Variants in OXCT1 observed in about 807,000 individuals in gnomAD.
The protein encoded by OXCT1 is 3-oxoacid CoA-transferase 1, also known as succinyl-CoA:3-ketoacid coenzyme A transferase 1, mitochondrial.
Under a neutral mutation model 69.6 loss-of-function variants are expected in OXCT1, and 27 were observed. That is an observed-to-expected ratio of 0.39 (90% CI 0.29 to 0.54). The LOEUF (loss-of-function observed/expected upper bound fraction) is 0.54, where lower values mean the gene tolerates loss of function less well. OXCT1 is among the 20% of genes least tolerant of loss of function. OXCT1 has a pLI of 0.72. For synonymous variants in OXCT1, 202 were observed against 217.8 expected (o/e 0.93, Z 0.64); for missense variants, 437 against 650.2 (o/e 0.67, Z 3.57).
At chr5:41,866,778 T>A (rs1749998750) in intron 1 of OXCT1, among the ~76,000 whole-genome samples, 2 of 152,210 alleles carry the variant, frequency 1.3e-5, no homozygotes, top group Non-Finnish European at 2.9e-5. Flanking sequence ...ACATACATGT[T>A]CTTCTCCAAT....
At chr5:41,822,865 A>C (rs1747625343) in intron 7 of OXCT1, among the ~76,000 whole-genome samples, 1 of 152,220 alleles carries the variant, frequency 6.6e-6, no homozygotes, top group African/African-American at 2.4e-5. Flanking sequence ...TCTTATAGAC[A>C]ACATACAGCT....
chr5:41,800,729 T>C (rs1723225456), intron 11 of OXCT1, among the ~76,000 whole-genome samples: 2 of 152,032 alleles, frequency 1.3e-5, no homozygotes, highest in South Asian at 4.1e-4. Context: ...CCTTGTAAAT[T>C]GTCCCTTCCT....
intron 3 of OXCT1, 40 bp from the exon 4 acceptor site, chr5:41,853,594 A>G: frequency 6.2e-7 from 1 of 1,600,418 alleles, no homozygotes; most frequent in Non-Finnish European, 8.6e-7. Flanking sequence ...AGAGCATCTG[A>G]CAGAACACTA....
chr5:41,751,232 C>T (rs922798862), intron 14 of OXCT1, among the ~76,000 whole-genome samples: 1 of 152,122 alleles, frequency 6.6e-6, no homozygotes, highest in African/African-American at 2.4e-5. Flanking sequence ...CTGGGCCTGA[C>T]TTCAAACAAA....
intron 5 of OXCT1, among the ~76,000 whole-genome samples, chr5:41,847,278 G>A (rs1279678897): frequency 6.6e-6 from 1 of 152,004 alleles, no homozygotes; most frequent in East Asian, 1.9e-4. Flanking sequence ...TGAAATTGTG[G>A]CAATAATCAA....
intron 15 of OXCT1, among the ~76,000 whole-genome samples, chr5:41,745,824 C>G (rs1374471465): frequency 2.0e-5 from 3 of 152,144 alleles, no homozygotes; most frequent in Admixed American, 2.0e-4. Flanking sequence ...TTCCTCGACA[C>G]ATACACCCTC....
At chr5:41,845,145 C>A (rs147895691) in intron 5 of OXCT1, among the ~76,000 whole-genome samples, 6 of 152,272 alleles carry the variant, frequency 3.9e-5, no homozygotes, top group Admixed American at 1.3e-4. Flanking sequence ...GCTGTTCCAG[C>A]CTCACCACCC....
chr5:41,869,940 C>A (rs1750203457), intron 1 of OXCT1: 19 of 393,722 alleles, frequency 4.8e-5, no homozygotes, highest in South Asian at 3.9e-4. Context: ...CCCTCAGAGT[C>A]CCTATCCAAG....
At chr5:41,863,377 G>A (rs878868265) in intron 1 of OXCT1, among the ~76,000 whole-genome samples, 3 of 151,918 alleles carry the variant, frequency 2.0e-5, no homozygotes, top group Non-Finnish European at 2.9e-5. Flanking sequence ...AACCATAGTC[G>A]CCATGGTGTT....
chr5:41,841,378 C>T (rs1431006285), intron 6 of OXCT1, among the ~76,000 whole-genome samples: 1 of 152,120 alleles, frequency 6.6e-6, no homozygotes, highest in Non-Finnish European at 1.5e-5. Context: ...TGGGTTAGAT[C>T]CCACCAGACA....
At chr5:41,847,094 G>A (rs1222099178) in intron 5 of OXCT1, among the ~76,000 whole-genome samples, 1 of 151,398 alleles carries the variant, frequency 6.6e-6, no homozygotes, top group Admixed American at 6.6e-5. Context: ...ATGATAAAGG[G>A]GATATCACCA....
chr5:41,842,350 A>G (rs573152866), intron 6 of OXCT1, among the ~76,000 whole-genome samples: 1 of 152,250 alleles, frequency 6.6e-6, no homozygotes, highest in South Asian at 2.1e-4. Flanking sequence ...ATTAAATAAA[A>G]TTGTATGATG....
chr5:41,796,754 T>G (rs563593917), intron 11 of OXCT1, among the ~76,000 whole-genome samples: 28 of 152,336 alleles, frequency 1.8e-4, no homozygotes, highest in Admixed American at 9.2e-4. Context: ...TTAAACAGCA[T>G]GTAAGACGTA....
At chr5:41,747,735 G>A (rs577539892) in intron 15 of OXCT1, among the ~76,000 whole-genome samples, 134 of 152,198 alleles carry the variant, frequency 8.8e-4, no homozygotes, top group African/African-American at 3.2e-3. Flanking sequence ...CTCAAGTAGG[G>A]AGAAAGTTAA....
intron 14 of OXCT1, among the ~76,000 whole-genome samples, chr5:41,755,598 T>G (rs555651388): frequency 6.6e-6 from 1 of 152,232 alleles, no homozygotes; most frequent in African/African-American, 2.4e-5. Context: ...TCATATTTGT[T>G]GGCTTTTGAT....
chr5:41,746,498 T>A (rs1317008149), intron 15 of OXCT1, among the ~76,000 whole-genome samples: 1 of 152,114 alleles, frequency 6.6e-6, no homozygotes, highest in Non-Finnish European at 1.5e-5. Flanking sequence ...AAGTATTTAT[T>A]GAGCACCTAC....
intron 15 of OXCT1, among the ~76,000 whole-genome samples, chr5:41,743,978 C>A (rs1029726565): frequency 2.0e-5 from 3 of 151,974 alleles, no homozygotes; most frequent in African/African-American, 7.3e-5. Context: ...TTTTTGGTTC[C>A]ATATGAACTT....
intron 15 of OXCT1, among the ~76,000 whole-genome samples, chr5:41,740,523 G>A (rs1743109753): frequency 6.6e-6 from 1 of 152,152 alleles, no homozygotes; most frequent in Admixed American, 6.5e-5. Flanking sequence ...CAATTGGTAT[G>A]GCTTGACCTC....
chr5:41,733,673 C>T (rs1742751189), intron 16 of OXCT1, among the ~76,000 whole-genome samples: 1 of 152,158 alleles, frequency 6.6e-6, no homozygotes, highest in South Asian at 2.1e-4. Flanking sequence ...GTCATGTCAG[C>T]CCTATTTTGA....
Sources: allele counts gnomAD v4.1 joint callset (sites outside exome capture counted in the v4.1 genomes callset), GRCh38; gene constraint gnomAD v4.1.1; transcripts MANE v1.5; gene names NCBI Gene and HGNC (gene_info 2026-07-23, HGNC 2026-07-21).